Variants in ZNF280D observed in about 807,000 individuals in gnomAD.
ZNF280D encodes the protein suppressor of hairy wing homolog 4.
Under a neutral mutation model 94.7 loss-of-function variants are expected in ZNF280D, and 39 were observed. The observed-to-expected ratio is 0.41, with a 90% CI of 0.32 to 0.54. ZNF280D has a LOEUF of 0.54. Among genes scored for constraint, ZNF280D ranks in the 20% least tolerant of loss-of-function variants. ZNF280D has a pLI of 0.22. For synonymous variants in ZNF280D, 398 were observed against 377.6 expected (o/e 1.05, Z -0.63); for missense variants, 1,090 against 1,149.3 (o/e 0.95, Z 0.75).
chr15:56,663,174 C>T (rs1480490398), intron 16 of ZNF280D, among the ~76,000 whole-genome samples: 1 of 149,934 alleles, frequency 6.7e-6, no homozygotes, highest in Non-Finnish European at 1.5e-5. Flanking sequence ...GTCCCAGCTA[C>T]TCAAGACGCT....
Position 56,642,932 on chromosome 15 carries a change from T to C in ZNF280D, c.2259+20A>G. The C allele has an allele frequency of 2.0e-6, 3 of 1,480,102 alleles. No homozygotes were observed. Among genetic ancestry groups the C allele is most frequent in the East Asian group, 2.6e-5 (1 of 38,634 alleles). The allele number at this position is 1,480,102 out of a possible 1,614,324, so 91.7% of individuals were successfully genotyped here. ...TTCAAATGTATAAACCTTTAAGGTATAAAGTAAAACAAACTTTACCTTAGA... is the reference window on the plus strand; with the variant it reads ...TTCAAATGTATAAACCTTTAAGGTACAAAGTAAAACAAACTTTACCTTAGA... On this transcript the variant is annotated intron_variant, in intron 20 of 21. Coordinates refer to ENST00000267807, the MANE Select transcript of ZNF280D (RefSeq NM_017661.4).
At position 56,701,210 on chromosome 15, in the gene ZNF280D, T is replaced by C. The variant is rs201826276; in HGVS notation, c.204A>G (p.Ser68=). 9.5e-6 allele frequency: 15 copies of C among 1,583,764 alleles called. No homozygotes were observed. The highest frequency in any genetic ancestry group is 1.3e-5 in the Non-Finnish European group (15 of 1,163,562). ...CACCATTCTTTAGTCCCCTTGAATA[T>C]GAGCTGGGGTTAACTCTGTTCAAAA... ...SNILNRVNPS[S]YSRGLKNGAL... is the part of the protein sequence containing the mutation. Residue 68 remains serine (S), a synonymous_variant, in exon 5 of 22, where the codon TCA becomes TCG. Transcript: ENST00000267807.
chr15:56,632,025 C>T lies in ZNF280D; in HGVS notation c.2413G>A (p.Val805Ile), dbSNP rs1212880622. ...CAGGTTTCATTTTCCTTATCTGAAA[C>T]TGTTATGCTTTCTTCACTTTTTGTT... The part of the protein sequence containing the change: ...STTKSEESIT[V>I]SDKENETCLA... The change falls in exon 22 of 22, where the codon GTT (valine) becomes ATT (isoleucine). Residue 805 changes from valine (V) to isoleucine (I), a missense_variant. Val to Ile is a conservative substitution (Grantham distance 29, BLOSUM62 3). Around this residue, in one of 3 missense-constraint regions of ZNF280D, gnomAD observed 577 missense variants for 568.8 expected, o/e 1.01. Transcript: ENST00000267807. 2 of 1,613,768 alleles carry T rather than the reference C, an allele frequency of 1.2e-6. No homozygotes were observed. The highest frequency in any genetic ancestry group is 2.7e-5 in the African/African-American group (2 of 74,932).
chr15:56,718,562 A>G (rs908498495), intron 1 of ZNF280D, among the ~76,000 whole-genome samples: 1 of 152,246 alleles, frequency 6.6e-6, no homozygotes, highest in South Asian at 2.1e-4. Flanking sequence ...TAAATCTACA[A>G]TGAATCTAAA....
At chr15:56,691,806 C>T (rs1205055803) in intron 7 of ZNF280D, among the ~76,000 whole-genome samples, 2 of 152,060 alleles carry the variant, frequency 1.3e-5, no homozygotes, top group Non-Finnish European at 2.9e-5. Flanking sequence ...TGGATTTGGA[C>T]ATAAAAAATC....
At chr15:56,708,514 A>G (rs550402728) in intron 1 of ZNF280D, among the ~76,000 whole-genome samples, 7 of 152,336 alleles carry the variant, frequency 4.6e-5, no homozygotes, top group African/African-American at 1.7e-4. Flanking sequence ...GGACTCATAC[A>G]TAATGTTTTT....
intron 19 of ZNF280D, chr15:56,653,343 T>C (rs2053321803): frequency 8.0e-7 from 1 of 1,256,068 alleles, no homozygotes; most frequent in Non-Finnish European, 1.0e-6. Flanking sequence ...AAGCCCCCAG[T>C]GGGAAGTATG....
intron 1 of ZNF280D, among the ~76,000 whole-genome samples, chr15:56,708,979 A>G (rs566243961): frequency 5.9e-5 from 9 of 152,316 alleles, no homozygotes; most frequent in African/African-American, 2.2e-4. Flanking sequence ...CACCAAAAGC[A>G]ACGGCAACAA....
chr15:56,677,394 A>G (rs2055303847), intron 12 of ZNF280D, among the ~76,000 whole-genome samples, 180 bp downstream of exon 12: 1 of 152,202 alleles, frequency 6.6e-6, no homozygotes, highest in African/African-American at 2.4e-5. Context: ...TGTCCAGTAC[A>G]GAGATAAGCA....
chr15:56,666,560 T>TA (rs1458506983), intron 15 of ZNF280D, 25 bp from the exon 16 acceptor site: 1 of 1,555,908 alleles, frequency 6.4e-7, no homozygotes, highest in East Asian at 2.3e-5. Context: ...AAAAAAATGA[T>TA]AAAAATATAT....
At chr15:56,723,935 C>G (rs2058505333) in intron 1 of ZNF280D, among the ~76,000 whole-genome samples, 1 of 152,112 alleles carries the variant, frequency 6.6e-6, no homozygotes, top group African/African-American at 2.4e-5. Flanking sequence ...TGCTCAGAAC[C>G]CTTTACATTA....
chr15:56,725,536 C>T (rs2058588655), intron 1 of ZNF280D, among the ~76,000 whole-genome samples: 2 of 152,054 alleles, frequency 1.3e-5, no homozygotes, highest in South Asian at 2.1e-4. Flanking sequence ...GATTCTCTTA[C>T]GACCTTCTGC....
At chr15:56,651,275 C>T (rs1175887604) in intron 19 of ZNF280D, among the ~76,000 whole-genome samples, 2 of 152,112 alleles carry the variant, frequency 1.3e-5, no homozygotes, top group African/African-American at 4.8e-5. Flanking sequence ...CTGAACCAAT[C>T]ACATATTTTA....
intron 13 of ZNF280D, among the ~76,000 whole-genome samples, chr15:56,669,977 ATATATAT>A (rs2054710528): frequency 7.3e-4 from 2 of 2,756 alleles, no homozygotes; most frequent in African/African-American, 2.6e-3. Context: ...TATATATAAT[ATATATAT>A]TATATATATA....
At chr15:56,669,953 ATATATATAT>A in intron 13 of ZNF280D, among the ~76,000 whole-genome samples, 1 of 3,984 alleles carries the variant, frequency 2.5e-4, no homozygotes, top group African/African-American at 9.3e-4. Flanking sequence ...TATATATTAT[ATATATATAT>A]TATATATATA....
At chr15:56,657,905 C>A (rs2053658295) in intron 17 of ZNF280D, among the ~76,000 whole-genome samples, 1 of 152,008 alleles carries the variant, frequency 6.6e-6, no homozygotes, top group Non-Finnish European at 1.5e-5. Flanking sequence ...CATGTCCATA[C>A]AAAAACATGC....
At chr15:56,652,205 ATAGG>A (rs1236062512) in intron 19 of ZNF280D, among the ~76,000 whole-genome samples, 1 of 152,278 alleles carries the variant, frequency 6.6e-6, no homozygotes, top group Admixed American at 6.5e-5. Flanking sequence ...ACGTCATATA[ATAGG>A]TGGTCATCTA....
intron 1 of ZNF280D, among the ~76,000 whole-genome samples, chr15:56,709,769 A>G (rs2057650025): frequency 6.6e-6 from 1 of 152,172 alleles, no homozygotes; most frequent in Non-Finnish European, 1.5e-5. Context: ...CAAAAAAACA[A>G]ACACTACATG....
At chr15:56,692,425 T>C (rs1365590052) in intron 7 of ZNF280D, among the ~76,000 whole-genome samples, 1 of 152,078 alleles carries the variant, frequency 6.6e-6, no homozygotes, top group African/African-American at 2.4e-5. Context: ...ATTGCTAAGA[T>C]ACAAAGAGTA....
Sources: allele counts gnomAD v4.1 joint callset (sites outside exome capture counted in the v4.1 genomes callset), GRCh38; gene constraint gnomAD v4.1.1; regional missense constraint gnomAD v4.1.1; transcripts MANE v1.5; gene names NCBI Gene and HGNC (gene_info 2026-07-23, HGNC 2026-07-21).